The following NWD2 variants were observed in gnomAD, a reference collection of about 807,000 sequenced individuals.
The protein encoded by NWD2 is NACHT and WD repeat domain containing 2.
Under a neutral mutation model 132.7 loss-of-function variants are expected in NWD2, and 37 were observed. The observed-to-expected ratio is 0.28, with a 90% CI of 0.21 to 0.37. The LOEUF is 0.37. NWD2 is among the 10% of genes least tolerant of loss of function. The pLI is 1.00. For missense variants in NWD2, 1,592 were observed against 2,122.4 expected (o/e 0.75, Z 4.91); for synonymous variants, 705 against 803.0 (o/e 0.88, Z 2.06).
At chr4:37,369,893 AT>A (rs1254361537) in intron 3 of NWD2, among the ~76,000 whole-genome samples, 7 of 152,302 alleles carry the variant, frequency 4.6e-5, no homozygotes, top group Non-Finnish European at 8.8e-5. Context: ...ATGCACAGAT[AT>A]GGGATGGCTT....
At chr4:37,303,597 T>C (rs1718649722) in intron 1 of NWD2, among the ~76,000 whole-genome samples, 1 of 152,190 alleles carries the variant, frequency 6.6e-6, no homozygotes, top group East Asian at 1.9e-4. Context: ...TTCATTTTTG[T>C]ATGTCCTCTT....
chr4:37,275,246 A>G (rs1199495091), intron 1 of NWD2, among the ~76,000 whole-genome samples: 1 of 152,210 alleles, frequency 6.6e-6, no homozygotes, highest in East Asian at 1.9e-4. Context: ...AGGATACAAA[A>G]TCAATGTGCA....
chr4:37,405,405 AT>A (rs1233717875), intron 3 of NWD2, among the ~76,000 whole-genome samples: 1 of 151,320 alleles, frequency 6.6e-6, no homozygotes, highest in African/African-American at 2.4e-5. Flanking sequence ...GCCATCAGCA[AT>A]TTTTTAGTTG....
chr4:37,383,362 A>G (rs1720494877), intron 3 of NWD2, among the ~76,000 whole-genome samples: 1 of 152,182 alleles, frequency 6.6e-6, no homozygotes, highest in Non-Finnish European at 1.5e-5. Flanking sequence ...AAAATAATGA[A>G]ATTATGTTCT....
intron 2 of NWD2, among the ~76,000 whole-genome samples, chr4:37,326,545 G>A (rs1029821369): frequency 6.6e-6 from 1 of 152,100 alleles, no homozygotes; most frequent in Non-Finnish European, 1.5e-5. Flanking sequence ...AAGAGACAGC[G>A]ATGGCACACA....
chr4:37,439,178 T>G lies in NWD2; in HGVS notation c.1084T>G (p.Phe362Val). Residue 362 changes from phenylalanine to valine, a missense_variant, in exon 6 of 7, where the codon TTT (phenylalanine) becomes GTT (valine). Physicochemically the swap from Phe to Val is conservative, Grantham distance 50. Around this residue, in one of 7 missense-constraint regions of NWD2, gnomAD observed 1,071 missense variants for 1,398.0 expected, o/e 0.77. Coordinates refer to ENST00000309447, the MANE Select transcript of NWD2 (RefSeq NM_001144990.2). This position sits in a 1 kb window ranked among gnomAD's most constrained non-coding sequence, Gnocchi z 4.5. ...AATTCAGGCAACGATACAACAGAAT[T>G]TTGACACTGAAACTGATACACTCTA... ...DIIQATIQQNFDTETDTLYDE... is the reference protein window; with the variant it reads ...DIIQATIQQNVDTETDTLYDE... The G allele has an allele frequency of 1.3e-6, 2 of 1,550,084 alleles. No individual in the cohort carries two copies. Among genetic ancestry groups the G allele is most frequent in the Non-Finnish European group, 1.7e-6 (2 of 1,146,104 alleles).
At position 37,447,255 on chromosome 4, in the gene NWD2, C is replaced by G; in HGVS notation, c.*38C>G. On this transcript the variant is annotated 3_prime_UTR_variant, in exon 7 of 7. Transcript: ENST00000309447. ...CAGCTAAGCAGAAATATGTGATCCA[C>G]GTACAGAAGGGAAAAAAATGTGCCC... The G allele has an allele frequency of 6.9e-7, 1 of 1,451,950 alleles. No individual in the cohort carries two copies. Among genetic ancestry groups the G allele is most frequent in the Non-Finnish European group, 9.3e-7 (1 of 1,079,966 alleles). 89.9% of individuals were successfully genotyped at this position (1,451,950 alleles called of 1,614,324 possible). A position where few individuals can be genotyped will look rare whatever the true frequency, so the allele number is the denominator to read the frequency against.
intron 1 of NWD2, among the ~76,000 whole-genome samples, chr4:37,316,479 T>A (rs1718960189): frequency 6.6e-6 from 1 of 152,138 alleles, no homozygotes; most frequent in South Asian, 2.1e-4. Flanking sequence ...TTTATCCTAG[T>A]TGGGTTCTTG....
At position 37,297,453 on chromosome 4, in the gene NWD2, T is replaced by C. The variant is rs1234372473; in HGVS notation, c.152-28483T>C. Among the ~76,000 whole-genome samples the C allele has an allele frequency of 2.0e-5, 3 of 152,222 alleles. No individual in the cohort carries two copies. The East Asian group carries it at 5.8e-4, about 29-fold the overall frequency. On this transcript the variant is annotated intron_variant, in intron 1 of 6. Transcript: ENST00000309447. ...TATATGTAATTCTAACATATCTTCA[T>C]ATCCTTTGCAGCTAAATGCTTCAAT...
intron 3 of NWD2, among the ~76,000 whole-genome samples, chr4:37,370,283 C>A (rs1054562141): frequency 1.3e-5 from 2 of 152,096 alleles, no homozygotes; most frequent in African/African-American, 4.8e-5. Context: ...TATTGTTATA[C>A]AAAAATATGT....
At chr4:37,303,367 A>G (rs925933628) in intron 1 of NWD2, among the ~76,000 whole-genome samples, 13 of 152,302 alleles carry the variant, frequency 8.5e-5, no homozygotes, top group Admixed American at 8.5e-4. Flanking sequence ...CGTGGTATAT[A>G]ATTTGAATTC....
chr4:37,352,508 T>C (rs1022758327), intron 2 of NWD2, among the ~76,000 whole-genome samples: 4 of 152,216 alleles, frequency 2.6e-5, no homozygotes, highest in Non-Finnish European at 5.9e-5. Flanking sequence ...AGTCTCTTTG[T>C]AGGCCTCTAA....
intron 3 of NWD2, among the ~76,000 whole-genome samples, chr4:37,359,344 G>T (rs1305731155): frequency 1.3e-5 from 2 of 151,892 alleles, no homozygotes; most frequent in Admixed American, 6.6e-5. Flanking sequence ...TCACCCCAGC[G>T]ATCCTAAATC....
chr4:37,334,674 G>C (rs987532859), intron 2 of NWD2, among the ~76,000 whole-genome samples: 44 of 152,254 alleles, frequency 2.9e-4, no homozygotes, highest in African/African-American at 9.9e-4. Context: ...CTCTAAAGGG[G>C]GTGTTTAGCT....
intron 1 of NWD2, among the ~76,000 whole-genome samples, chr4:37,279,775 A>G (rs1718092016): frequency 6.6e-6 from 1 of 152,212 alleles, no homozygotes; most frequent in African/African-American, 2.4e-5. Flanking sequence ...AAAGTATAAA[A>G]CTAAACCAAA....
chr4:37,374,511 A>G (rs1489592997), intron 3 of NWD2, among the ~76,000 whole-genome samples: 2 of 152,230 alleles, frequency 1.3e-5, no homozygotes, highest in African/African-American at 2.4e-5. Context: ...ACAAATATAC[A>G]TGAGATGGTT....
intron 3 of NWD2, among the ~76,000 whole-genome samples, chr4:37,399,500 T>C (rs1720862451): frequency 6.6e-6 from 1 of 152,266 alleles, no homozygotes; most frequent in African/African-American, 2.4e-5. Flanking sequence ...GAAGGATTTC[T>C]CTTTGAGATC....
chr4:37,447,348 G>GTCCAT lies in NWD2; in HGVS notation c.*132_*133insCCATT. 2 of 727,854 alleles carry GTCCAT rather than the reference G, an allele frequency of 2.7e-6. No individual in the cohort carries two copies. Among genetic ancestry groups the GTCCAT allele is most frequent in the Non-Finnish European group, 4.4e-6 (2 of 451,126 alleles). 45.1% of individuals were successfully genotyped at this position (727,854 alleles called of 1,614,324 possible). On this transcript the variant is annotated 3_prime_UTR_variant, in exon 7 of 7. Coordinates refer to ENST00000309447, the MANE Select transcript of NWD2 (RefSeq NM_001144990.2). ...TGGAATTCCAGTGTTTTATTAAGAT[G>GTCCAT]TTCATGAAATGGACAAATAGGTTAG... is the stretch of plus-strand genomic sequence containing the variant.
intron 1 of NWD2, among the ~76,000 whole-genome samples, chr4:37,256,152 G>A (rs559185603): frequency 9.8e-4 from 149 of 152,280 alleles, no homozygotes; most frequent in Middle Eastern, 3.4e-3. Flanking sequence ...GCAGTGATTA[G>A]TAATGTCTGC....
Sources: allele counts gnomAD v4.1 joint callset (sites outside exome capture counted in the v4.1 genomes callset), GRCh38; gene constraint gnomAD v4.1.1; regional missense constraint gnomAD v4.1.1; non-coding constraint Gnocchi (gnomAD v3.1); transcripts MANE v1.5; gene names NCBI Gene and HGNC (gene_info 2026-07-23, HGNC 2026-07-21).